The following MAPRE2 variants were observed in gnomAD, a reference collection of about 807,000 sequenced individuals.
MAPRE2 encodes microtubule-associated protein RP/EB family member 2.
A neutral mutation model predicts 43.2 loss-of-function variants in MAPRE2; 13 were observed. That is an observed-to-expected ratio of 0.30 (90% CI 0.20 to 0.48). The LOEUF (loss-of-function observed/expected upper bound fraction) is 0.48. Among genes scored for constraint, MAPRE2 ranks in the 20% least tolerant of loss-of-function variants. The pLI is 0.99. For missense variants in MAPRE2, 161 were observed against 400.2 expected (o/e 0.40, Z 5.10); for synonymous variants, 135 against 148.8 (o/e 0.91, Z 0.68).
intron 1 of MAPRE2, among the ~76,000 whole-genome samples, chr18:35,064,702 A>G (rs1032307875): frequency 6.6e-6 from 1 of 152,154 alleles, no homozygotes; most frequent in African/African-American, 2.4e-5. Context: ...TGACTCACAT[A>G]AAACTCCATT....
At chr18:35,106,874 T>C (rs1386280487) in intron 4 of MAPRE2, among the ~76,000 whole-genome samples, 2 of 152,192 alleles carry the variant, frequency 1.3e-5, no homozygotes, top group East Asian at 3.8e-4. Context: ...TTCACAATGA[T>C]AGATATATAA....
intron 2 of MAPRE2, among the ~76,000 whole-genome samples, chr18:35,089,916 T>C (rs1024567873): frequency 1.3e-5 from 2 of 152,114 alleles, no homozygotes; most frequent in Non-Finnish European, 1.5e-5. Context: ...ATCAGTAAAA[T>C]GTGGTAATTC....
intron 1 of MAPRE2, among the ~76,000 whole-genome samples, chr18:34,995,004 CTAACCAACTCA>C (rs150673103): frequency 0.028 from 4,288 of 152,334 alleles, 103 homozygotes; most frequent in Non-Finnish European, 0.036. Context: ...ATGTTAACCT[CTAACCAACTCA>C]TATTTCCATA....
At chr18:34,982,136 G>A (rs2097016759) in intron 1 of MAPRE2, among the ~76,000 whole-genome samples, 1 of 151,974 alleles carries the variant, frequency 6.6e-6, no homozygotes. Flanking sequence ...GCCCACCTCG[G>A]CCTCCCAGAA....
intron 1 of MAPRE2, among the ~76,000 whole-genome samples, chr18:35,043,787 G>A (rs758585749): frequency 1.3e-5 from 2 of 152,312 alleles, no homozygotes; most frequent in East Asian, 1.9e-4. Flanking sequence ...TACAAAGGGT[G>A]CACATGGAGA....
intron 2 of MAPRE2, among the ~76,000 whole-genome samples, chr18:35,092,342 A>ACAGT (rs961776975): frequency 6.6e-6 from 1 of 152,242 alleles, no homozygotes; most frequent in African/African-American, 2.4e-5. Context: ...ATTTTTGACC[A>ACAGT]CAGTGCCAGG....
At chr18:35,129,672 G>C (rs1387698578) in intron 5 of MAPRE2, among the ~76,000 whole-genome samples, 1 of 152,198 alleles carries the variant, frequency 6.6e-6, no homozygotes, top group Non-Finnish European at 1.5e-5. Context: ...GAGCGCGGGT[G>C]GGGCCACGGA....
Position 34,993,887 on chromosome 18 carries a change from C to T in MAPRE2, c.-69-11605C>T, listed in dbSNP as rs954440711. ...AATATATGCCCTTCATTATTTATGTCGAATAACAAATTAAATGAATCCTAG... is the reference window on the plus strand; with the variant it reads ...AATATATGCCCTTCATTATTTATGTTGAATAACAAATTAAATGAATCCTAG... On this transcript the variant is annotated intron_variant, in intron 1 of 7. Coordinates refer to the MAPRE2 transcript ENST00000413393. Among the ~76,000 whole-genome samples, 4 of 151,936 alleles carry T rather than the reference C, an allele frequency of 2.6e-5. No homozygotes were observed. The South Asian group carries it at 6.2e-4, about 24-fold the overall frequency.
chr18:35,094,647 G>C (rs1386868414), intron 2 of MAPRE2, among the ~76,000 whole-genome samples: 2 of 152,140 alleles, frequency 1.3e-5, no homozygotes, highest in Non-Finnish European at 2.9e-5. Flanking sequence ...TTAAGTAGAA[G>C]AACAATCTAT....
Position 35,127,949 on chromosome 18 carries a change from A to C in MAPRE2, c.750+862A>C, listed in dbSNP as rs148826420. On this transcript the variant is annotated intron_variant, in intron 5 of 6. Coordinates refer to ENST00000300249, the MANE Select transcript of MAPRE2 (RefSeq NM_014268.4). Reference sequence around the variant, plus strand: ...GGGTAGTGGAGGGCCCATCGAGGAGAGCCTTTTATCCTGGCTACCCTGCCG... The same window carrying C: ...GGGTAGTGGAGGGCCCATCGAGGAGCGCCTTTTATCCTGGCTACCCTGCCG... Among the ~76,000 whole-genome samples the C allele has an allele frequency of 8.7e-3, 1,327 of 152,294 alleles. 17 individuals carry two copies. The highest frequency in any genetic ancestry group is 0.03 in the African/African-American group (1,265 of 41,560).
chr18:35,136,683 G>A (rs1327733090), intron 6 of MAPRE2, among the ~76,000 whole-genome samples: 1 of 152,170 alleles, frequency 6.6e-6, no homozygotes, highest in East Asian at 1.9e-4. Flanking sequence ...AGGAGACAAG[G>A]CTGCAGGGTG....
intron 1 of MAPRE2, among the ~76,000 whole-genome samples, chr18:34,998,489 G>A (rs186621165): frequency 0.011 from 1,661 of 151,846 alleles, 25 homozygotes; most frequent in African/African-American, 0.038. Flanking sequence ...ACCACACCCC[G>A]CTAATTTTTT....
At chr18:34,982,135 G>A (rs938203038) in intron 1 of MAPRE2, among the ~76,000 whole-genome samples, 3 of 151,978 alleles carry the variant, frequency 2.0e-5, no homozygotes, top group Non-Finnish European at 4.4e-5. Flanking sequence ...CGCCCACCTC[G>A]GCCTCCCAGA....
chr18:35,049,819 ATG>A (rs1421487751), intron 1 of MAPRE2, among the ~76,000 whole-genome samples: 2 of 152,216 alleles, frequency 1.3e-5, no homozygotes, highest in Non-Finnish European at 2.9e-5. Flanking sequence ...GTAAGTAAAA[ATG>A]TGTGTGTACC....
chr18:35,055,407 T>C (rs1301732647), intron 1 of MAPRE2, among the ~76,000 whole-genome samples: 1 of 152,180 alleles, frequency 6.6e-6, no homozygotes, highest in Non-Finnish European at 1.5e-5. Flanking sequence ...GAACCAGTCA[T>C]TGGAGGGCCC....
intron 2 of MAPRE2, among the ~76,000 whole-genome samples, chr18:35,071,488 C>T (rs1057327544): frequency 2.0e-5 from 3 of 152,174 alleles, no homozygotes; most frequent in Non-Finnish European, 2.9e-5. Context: ...GGGAATGTTT[C>T]CTTCCAGTAA....
At chr18:35,091,840 A>G (rs1367947892) in intron 2 of MAPRE2, among the ~76,000 whole-genome samples, 1 of 152,212 alleles carries the variant, frequency 6.6e-6, no homozygotes, top group African/African-American at 2.4e-5. Context: ...CTATTCTTGC[A>G]TTGCTATACA....
intron 6 of MAPRE2, 65 bp downstream of exon 6, chr18:35,132,255 T>C (rs1910189562): frequency 1.1e-5 from 16 of 1,484,700 alleles, no homozygotes; most frequent in Middle Eastern, 1.8e-4. Flanking sequence ...ACACAGTAGA[T>C]CAGCACTCCT....
At chr18:35,093,077 T>A (rs1908229911) in intron 2 of MAPRE2, among the ~76,000 whole-genome samples, 1 of 151,792 alleles carries the variant, frequency 6.6e-6, no homozygotes. Context: ...CTGGGCATGC[T>A]GGCGGGTGCC....
Sources: allele counts gnomAD v4.1 joint callset (sites outside exome capture counted in the v4.1 genomes callset), GRCh38; gene constraint gnomAD v4.1.1; transcripts MANE v1.5; gene names NCBI Gene and HGNC (gene_info 2026-07-23, HGNC 2026-07-21).